The following SF3B3 variants were observed in gnomAD, a reference collection of about 807,000 sequenced individuals.
SF3B3 encodes the protein SAP 130.
A neutral mutation model predicts 139.2 loss-of-function variants in SF3B3; 33 were observed. The observed-to-expected ratio is 0.24, with a 90% CI of 0.18 to 0.32. SF3B3 has a LOEUF of 0.32. Among genes scored for constraint, SF3B3 ranks in the 10% least tolerant of loss-of-function variants. The probability of loss-of-function intolerance (pLI) is 1.00; values close to 1 mark genes in which losing one functional copy is unlikely to be tolerated. For synonymous variants in SF3B3, 596 were observed against 563.6 expected (o/e 1.06, Z -0.81); for missense variants, 818 against 1,509.4 (o/e 0.54, Z 7.59).
In SF3B3 at chr16:70,571,723, C is replaced by A. The variant is rs765810194; in HGVS notation, c.3564C>A (p.Asn1188Lys). 1.9e-6 allele frequency: 3 copies of A among 1,614,100 alleles called. No individual in the cohort carries two copies. The highest frequency in any genetic ancestry group is 2.5e-6 in the Non-Finnish European group (3 of 1,179,994). ...AGCAGTTCAATTCCATGGAACCCAA[C>A]AAACAAAAGAACGTCTCTGAAGAAC... Reference protein sequence around the residue: ...LCEQFNSMEPNKQKNVSEELD... With the variant: ...LCEQFNSMEPKKQKNVSEELD... The change falls in exon 26 of 26, where the codon AAC becomes AAA. Residue 1188 changes from asparagine (N) to lysine (K), a missense_variant. Physicochemically the swap from Asn to Lys is moderately conservative, Grantham distance 94. This residue lies in a region of SF3B3 where 28 missense variants were observed against 59.1 expected (regional missense o/e 0.47). Coordinates refer to ENST00000302516, the MANE Select transcript of SF3B3 (RefSeq NM_012426.5).
rs2151796676 is a variant in SF3B3, at chr16:70,572,120, C to A, written c.*307C>A. The A allele has an allele frequency of 1.8e-6, 1 of 556,050 alleles. No individual in the cohort carries two copies. The highest frequency in any genetic ancestry group is 1.5e-5 in the South Asian group (1 of 65,424). 34.4% of individuals were successfully genotyped at this position (556,050 alleles called of 1,614,324 possible). A position where few individuals can be genotyped will look rare whatever the true frequency, so the allele number is the denominator to read the frequency against. On this transcript the variant is annotated 3_prime_UTR_variant, in exon 26 of 26. Transcript: ENST00000302516. ...CATTGATATGTCTTGACTCTCCTGT[C>A]TACTTTTGCACACACCCTTAATTTT...
Position 70,574,520 on chromosome 16 carries a change from A to T in SF3B3, c.*2707A>T, listed in dbSNP as rs533431409. The T allele has an allele frequency of 6.6e-6, 1 of 152,186 alleles. No individual in the cohort carries two copies. Among genetic ancestry groups the T allele is most frequent in the African/African-American group, 2.4e-5 (1 of 41,432 alleles). 9.4% of individuals were successfully genotyped at this position (152,186 alleles called of 1,614,324 possible). ...TTTTTTGTTTGTTTGTTTATTAGAG[A>T]TGGAATCTCTCTCTCTTGACCAGGC... On this transcript the variant is annotated 3_prime_UTR_variant, in exon 26 of 26. Coordinates refer to ENST00000302516, the MANE Select transcript of SF3B3 (RefSeq NM_012426.5).
intron 4 of SF3B3, among the ~76,000 whole-genome samples, chr16:70,531,789 T>C (rs949392966): frequency 6.6e-6 from 1 of 152,244 alleles, no homozygotes; most frequent in African/African-American, 2.4e-5. Flanking sequence ...GAACATACTA[T>C]TGTTTTCCTT....
intron 4 of SF3B3, among the ~76,000 whole-genome samples, chr16:70,531,443 A>G (rs966588456): frequency 1.3e-5 from 2 of 151,944 alleles, no homozygotes; most frequent in Non-Finnish European, 2.9e-5. Flanking sequence ...CGCCCAGCTA[A>G]TTTTTGTATT....
At position 70,548,350 on chromosome 16, in the gene SF3B3, C is replaced by A; in HGVS notation, c.1330-20C>A. ...AGTTGCATGCTCACTGGATCTGTGG[C>A]TTCCCTCTTCTCCTGTCAGGTGTCA... On this transcript the variant is annotated intron_variant, in intron 10 of 25. Coordinates refer to ENST00000302516, the MANE Select transcript of SF3B3 (RefSeq NM_012426.5). 1 of 1,610,544 alleles carries A rather than the reference C, an allele frequency of 6.2e-7. No individual in the cohort carries two copies. Among genetic ancestry groups the A allele is most frequent in the East Asian group, 2.2e-5 (1 of 44,868 alleles).
chr16:70,570,333 G>GTTTT (rs71151192), intron 24 of SF3B3, among the ~76,000 whole-genome samples, 184 bp downstream of exon 24: 15,247 of 121,522 alleles, frequency 0.13, 1,471 homozygotes, highest in South Asian at 0.2. Context: ...AGGCCATTTG[G>GTTTT]TTTTTTTTTT....
At chr16:70,567,590 C>A in intron 21 of SF3B3, 54 bp downstream of exon 21, 1 of 1,561,236 alleles carries the variant, frequency 6.4e-7, no homozygotes, top group Non-Finnish European at 8.7e-7. Context: ...AGGGTGGGGG[C>A]ATTGGTGGGG....
intron 8 of SF3B3, 102 bp from the exon 9 acceptor site, chr16:70,541,567 A>G (rs1272175111): frequency 3.3e-6 from 3 of 913,122 alleles, no homozygotes; most frequent in East Asian, 4.8e-5. Flanking sequence ...TAACAATAGT[A>G]TCTTAATATA....
chr16:70,530,170 A>G (rs956772637), intron 3 of SF3B3, among the ~76,000 whole-genome samples: 4 of 134,096 alleles, frequency 3.0e-5, no homozygotes, highest in African/African-American at 5.2e-5. Flanking sequence ...AAATAAATAA[A>G]TAAGAGAGAG....
intron 14 of SF3B3, 135 bp from the exon 15 acceptor site, chr16:70,556,751 C>T (rs2050382578): frequency 1.1e-6 from 1 of 890,988 alleles, no homozygotes; most frequent in Admixed American, 2.1e-5. Flanking sequence ...TCAGTACTCT[C>T]TTAGAACTCA....
chr16:70,540,619 C>T (rs955780258), intron 8 of SF3B3, among the ~76,000 whole-genome samples: 3 of 152,128 alleles, frequency 2.0e-5, no homozygotes, highest in Non-Finnish European at 2.9e-5. Flanking sequence ...AATCCACCTG[C>T]CTCAGTCTCC....
intron 2 of SF3B3, among the ~76,000 whole-genome samples, chr16:70,528,642 G>C (rs989201324): frequency 2.0e-5 from 3 of 150,792 alleles, no homozygotes; most frequent in East Asian, 4.0e-4. Context: ...TTTTGAGACG[G>C]AGTTTTGCTC....
At chr16:70,545,620 C>A (rs1021114389) in intron 10 of SF3B3, among the ~76,000 whole-genome samples, 1 of 152,204 alleles carries the variant, frequency 6.6e-6, no homozygotes, top group Admixed American at 6.5e-5. Context: ...GAATGGCAAT[C>A]TGAGCTCTCA....
chr16:70,562,301 C>T (rs1033278708), intron 17 of SF3B3, among the ~76,000 whole-genome samples: 1 of 152,138 alleles, frequency 6.6e-6, no homozygotes, highest in Non-Finnish European at 1.5e-5. Flanking sequence ...GTTTGGCTTC[C>T]TCAGGTTTTG....
At chr16:70,567,307 C>A in intron 20 of SF3B3, 104 bp from the exon 21 acceptor site, 1 of 1,298,024 alleles carries the variant, frequency 7.7e-7, no homozygotes, top group Non-Finnish European at 1.1e-6. Flanking sequence ...TGGTGTGTTT[C>A]TTAATGATAG....
At chr16:70,545,782 A>G (rs1340770187) in intron 10 of SF3B3, among the ~76,000 whole-genome samples, 1 of 152,230 alleles carries the variant, frequency 6.6e-6, no homozygotes, top group Non-Finnish European at 1.5e-5. Flanking sequence ...ATAAAGAATT[A>G]TGTGAATTAA....
intron 8 of SF3B3, among the ~76,000 whole-genome samples, chr16:70,540,130 C>G (rs1264904186): frequency 2.7e-5 from 4 of 149,326 alleles, no homozygotes. Context: ...CGCGGTGGCT[C>G]ACGCCTGTAA....
intron 12 of SF3B3, 74 bp downstream of exon 12, chr16:70,554,671 T>G (rs2050362782): frequency 2.7e-6 from 4 of 1,471,876 alleles, no homozygotes; most frequent in Non-Finnish European, 3.8e-6. Context: ...CAGGCTGCTG[T>G]GTTCATGTCT....
At position 70,573,661 on chromosome 16, in the gene SF3B3, A is replaced by G. The variant is rs1398437811; in HGVS notation, c.*1848A>G. ...ACTCAATGACAAGTCCCATCTGTGTAATTGTTAAGGGGACCTGATTGACTC... is the reference window on the plus strand; with the variant it reads ...ACTCAATGACAAGTCCCATCTGTGTGATTGTTAAGGGGACCTGATTGACTC... On this transcript the variant is annotated 3_prime_UTR_variant, in exon 26 of 26. Transcript: ENST00000302516. The G allele has an allele frequency of 1.3e-5, 2 of 152,194 alleles. No individual in the cohort carries two copies. Among genetic ancestry groups the G allele is most frequent in the Non-Finnish European group, 2.9e-5 (2 of 68,024 alleles). 9.4% of individuals were successfully genotyped at this position (152,194 alleles called of 1,614,324 possible).
Sources: allele counts gnomAD v4.1 joint callset (sites outside exome capture counted in the v4.1 genomes callset), GRCh38; gene constraint gnomAD v4.1.1; regional missense constraint gnomAD v4.1.1; transcripts MANE v1.5; gene names NCBI Gene and HGNC (gene_info 2026-07-23, HGNC 2026-07-21).